The following CAPN13 variants were observed in gnomAD, a reference collection of about 807,000 sequenced individuals.
CAPN13 encodes the protein calpain-13.
A neutral mutation model predicts 98.4 loss-of-function variants in CAPN13; 90 were observed. The observed-to-expected ratio is 0.92, with a 90% CI of 0.77 to 1.09. The LOEUF is 1.09. CAPN13 is among the 50% of genes least tolerant of loss of function. The pLI, the probability that CAPN13 is intolerant of heterozygous loss-of-function variation, is 0.00. For missense variants in CAPN13, 887 were observed against 841.3 expected (o/e 1.05, Z -0.67); for synonymous variants, 330 against 305.5 (o/e 1.08, Z -0.84).
chr2:30,742,777 C>T (rs1051545852), intron 13 of CAPN13, among the ~76,000 whole-genome samples: 36 of 152,234 alleles, frequency 2.4e-4, no homozygotes, highest in Non-Finnish European at 2.4e-4. Context: ...AGACAAGGGG[C>T]CCAGTGGGGT....
In CAPN13 at chr2:30,734,526, T is replaced by A; in HGVS notation, c.1723-2A>T. 6.2e-7 allele frequency: 1 copy of A among 1,612,772 alleles called. No homozygotes were observed. The highest frequency in any genetic ancestry group is 8.5e-7 in the Non-Finnish European group (1 of 1,178,848). On this transcript the variant is annotated splice_acceptor_variant, in intron 18 of 22. Coordinates refer to ENST00000295055, the MANE Select transcript of CAPN13 (RefSeq NM_144575.3). LOFTEE classifies it high-confidence loss of function. ...TGTCTGAACCTTCTGGAAAACATGCTAATAGGGGAAGAGAAGCAAGAAGTC... is the reference window on the plus strand; with the variant it reads ...TGTCTGAACCTTCTGGAAAACATGCAAATAGGGGAAGAGAAGCAAGAAGTC...
intron 21 of CAPN13, 138 bp from the exon 22 acceptor site, chr2:30,730,924 G>C (rs1671049973): frequency 5.8e-6 from 4 of 694,236 alleles, no homozygotes; most frequent in Middle Eastern, 2.4e-4. Context: ...AACCCAAGCA[G>C]GGTACGGGGC....
chr2:30,734,370 C>T, intron 19 of CAPN13, 79 bp downstream of exon 19: 1 of 1,106,864 alleles, frequency 9.0e-7, no homozygotes, highest in Non-Finnish European at 1.4e-6. Flanking sequence ...CACTGTTGTG[C>T]CAGCCTTGCT....
chr2:30,726,660 C>T lies in CAPN13; in HGVS notation c.*31-3424G>A, dbSNP rs115548142. On this transcript the variant is annotated intron_variant, in intron 22 of 22. Transcript: ENST00000295055. ...CTACAATAGTTAGGAATAAATTTAA[C>T]AAGGAAAGTGTAAGACTTCTACACT... Among the ~76,000 whole-genome samples the T allele has an allele frequency of 8.9e-3, 1,353 of 151,938 alleles. 15 individuals carry two copies. The highest frequency in any genetic ancestry group is 0.031 in the African/African-American group (1,278 of 41,456).
At chr2:30,732,760 A>G (rs946974338) in intron 19 of CAPN13, among the ~76,000 whole-genome samples, 194 bp from the exon 20 acceptor site, 1 of 152,160 alleles carries the variant, frequency 6.6e-6, no homozygotes, top group African/African-American at 2.4e-5. Context: ...GAGTCTGGCC[A>G]GAGACCACGT....
rs187564484 is a variant in CAPN13, at chr2:30,787,347, G to C, written c.-22C>G. The C allele has an allele frequency of 1.9e-6, 3 of 1,595,288 alleles. No homozygotes were observed. In the South Asian group the frequency reaches 3.4e-5, roughly 18 times the overall value. On this transcript the variant is annotated 5_prime_UTR_variant, in exon 2 of 23. Coordinates refer to ENST00000295055, the MANE Select transcript of CAPN13 (RefSeq NM_144575.3). Reference sequence around the variant, plus strand: ...CCATGACTCTCCTTAGAAGACTTCCGAGGTCCTTTCCTGTTGGTGAGAAAA... The same window carrying C: ...CCATGACTCTCCTTAGAAGACTTCCCAGGTCCTTTCCTGTTGGTGAGAAAA...
chr2:30,795,658 T>C (rs1366567101), intron 1 of CAPN13, among the ~76,000 whole-genome samples: 1 of 152,148 alleles, frequency 6.6e-6, no homozygotes, highest in Non-Finnish European at 1.5e-5. Flanking sequence ...TATTCGTCTT[T>C]TGTTGGTCAT....
chr2:30,774,560 C>T (rs1021133394), intron 4 of CAPN13, among the ~76,000 whole-genome samples: 5 of 151,890 alleles, frequency 3.3e-5, no homozygotes, highest in Admixed American at 2.0e-4. Context: ...TTGAAAATAC[C>T]GAAGAAACAG....
intron 7 of CAPN13, among the ~76,000 whole-genome samples, chr2:30,759,076 TC>T: frequency 2.7e-5 from 1 of 36,974 alleles, no homozygotes; most frequent in East Asian, 1.2e-3. Context: ...CCCTCCTCCC[TC>T]CCTTCCTCTC....
At position 30,763,155 on chromosome 2, in the gene CAPN13, G is replaced by C; in HGVS notation, c.701C>G (p.Pro234Arg). Residue 234 changes from proline (P) to arginine (R), a missense_variant and splice_region_variant, in exon 7 of 23, where the codon CCA (proline) becomes CGA (arginine). Coordinates refer to ENST00000295055, the MANE Select transcript of CAPN13 (RefSeq NM_144575.3). ...CTCCATCGCCTGTGCTGTATCTGTT[G>C]GCTTCAAGGCAGAAAAGCAGATCAA... is the stretch of plus-strand genomic sequence containing the variant. Reference protein sequence around the residue: ...SLITCATPSGPTDTAQAMENG... With the variant: ...SLITCATPSGRTDTAQAMENG... 19 of 1,610,228 alleles carry C rather than the reference G, an allele frequency of 1.2e-5. No homozygotes were observed. Among genetic ancestry groups the C allele is most frequent in the Non-Finnish European group, 1.6e-5 (19 of 1,178,184 alleles).
Position 30,758,026 on chromosome 2 carries a change from G to A in CAPN13, c.866+20C>T. ...CCAAGCGCTCTGTGAAGGATGGAGA[G>A]AGGTTTCCAGAAGCCATACCCATCA... On this transcript the variant is annotated intron_variant, in intron 8 of 22. Transcript: ENST00000295055. 1 of 1,581,136 alleles carries A rather than the reference G, an allele frequency of 6.3e-7. No individual in the cohort carries two copies. Among genetic ancestry groups the A allele is most frequent in the South Asian group, 1.2e-5 (1 of 85,814 alleles).
At chr2:30,782,565 T>C (rs550888018) in intron 2 of CAPN13, among the ~76,000 whole-genome samples, 2 of 152,066 alleles carry the variant, frequency 1.3e-5, no homozygotes, top group Admixed American at 1.3e-4. Flanking sequence ...GCAAGGTGAG[T>C]CGTTTCTAGT....
chr2:30,791,657 A>G (rs1373070595), intron 1 of CAPN13, among the ~76,000 whole-genome samples: 2 of 152,260 alleles, frequency 1.3e-5, no homozygotes, highest in Non-Finnish European at 2.9e-5. Context: ...ATTTCATGGA[A>G]AAGATGCATA....
At chr2:30,800,762 A>G (rs990545821) in intron 1 of CAPN13, among the ~76,000 whole-genome samples, 1 of 152,218 alleles carries the variant, frequency 6.6e-6, no homozygotes, top group Non-Finnish European at 1.5e-5. Flanking sequence ...CACAAAAAAG[A>G]AACTTGTCTT....
In CAPN13 at chr2:30,776,158, T is replaced by G. The variant is rs1572856664; in HGVS notation, c.272-113A>C. On this transcript the variant is annotated intron_variant, in intron 3 of 22. Transcript: ENST00000295055. ...TACACAATTCCTTCTAAATAATGCA[T>G]TTTTTTTTCCTCTGAGAGAGGAGAA... The G allele has an allele frequency of 1.5e-5, 3 of 195,166 alleles. No homozygotes were observed. The South Asian group carries it at 2.0e-4, about 13-fold the overall frequency. The allele number at this position is 195,166 out of a possible 1,614,324, so 12.1% of individuals were successfully genotyped here. A position where few individuals can be genotyped will look rare whatever the true frequency, so the allele number is the denominator to read the frequency against.
chr2:30,792,988 A>T lies in CAPN13; in HGVS notation c.-32-5631T>A, dbSNP rs546422131. On this transcript the variant is annotated intron_variant, in intron 1 of 22. Transcript: ENST00000295055. ...TAATTTATGATAAAAACTGTTAGAAAACTAGAAATAGTAGGTAACATCCTC... is the reference window on the plus strand; with the variant it reads ...TAATTTATGATAAAAACTGTTAGAATACTAGAAATAGTAGGTAACATCCTC... Among the ~76,000 whole-genome samples, 89 of 152,078 alleles carry T rather than the reference A, an allele frequency of 5.9e-4. No individual in the cohort carries two copies. The Middle Eastern group carries it at 0.014, about 23-fold the overall frequency.
Position 30,787,330 on chromosome 2 carries a change from C to G in CAPN13, c.-5G>C. On this transcript the variant is annotated 5_prime_UTR_variant, in exon 2 of 23. Coordinates refer to ENST00000295055, the MANE Select transcript of CAPN13 (RefSeq NM_144575.3). ...AGGCTCCTGGTAATACGCCATGACT[C>G]TCCTTAGAAGACTTCCGAGGTCCTT... The G allele has an allele frequency of 6.2e-7, 1 of 1,610,264 alleles. No homozygotes were observed. The highest frequency in any genetic ancestry group is 8.5e-7 in the Non-Finnish European group (1 of 1,178,444).
intron 4 of CAPN13, among the ~76,000 whole-genome samples, chr2:30,771,803 T>C (rs1036022837): frequency 2.0e-5 from 3 of 152,228 alleles, no homozygotes; most frequent in African/African-American, 7.2e-5. Flanking sequence ...GATAACTCTC[T>C]GGGACTCAGT....
intron 1 of CAPN13, among the ~76,000 whole-genome samples, chr2:30,801,541 G>C (rs571864816): frequency 6.7e-6 from 1 of 150,224 alleles, no homozygotes; most frequent in Non-Finnish European, 1.5e-5. Flanking sequence ...GGAGGCGGAG[G>C]TTGCAGTGAG....
Sources: allele counts gnomAD v4.1 joint callset (sites outside exome capture counted in the v4.1 genomes callset), GRCh38; gene constraint gnomAD v4.1.1; transcripts MANE v1.5; gene names NCBI Gene and HGNC (gene_info 2026-07-23, HGNC 2026-07-21).